Variants in HAO1 observed in about 807,000 individuals in gnomAD.
HAO1 encodes 2-Hydroxyacid oxidase 1.
Under a neutral mutation model 39.7 loss-of-function variants are expected in HAO1, and 34 were observed. The ratio of observed to expected loss-of-function variants is 0.86; its 90% CI spans 0.65 to 1.14. The LOEUF (loss-of-function observed/expected upper bound fraction) is 1.14, where lower values mean the gene tolerates loss of function less well. Ranked by LOEUF, HAO1 falls within the 50% of genes most tolerant of loss-of-function variation. The probability of loss-of-function intolerance (pLI) is 0.00; values close to 1 mark genes in which losing one functional copy is unlikely to be tolerated. For missense variants in HAO1, 479 were observed against 464.5 expected, an observed-to-expected ratio of 1.03 and a Z score of -0.29; for synonymous variants, 172 against 173.2, an observed-to-expected ratio of 0.99 and a Z score of 0.05.
rs1568522172 is a variant in HAO1 at position 7,936,543 on chromosome 20, TG to T, written c.138-1909del. On this transcript the variant is annotated intron_variant, in intron 1 of 7. Transcript: ENST00000378789. ...GTGTGTGTGTGTGTGTGTGTGTGTG[TG>T]TGTTCGCGCGCGCGCGCGCGCGTGC... Among the ~76,000 whole-genome samples, 256 of 147,842 alleles carry T rather than the reference TG, an allele frequency of 1.7e-3. 1 individual carries two copies. The highest frequency in any genetic ancestry group is 5.5e-3 in the African/African-American group (213 of 38,938).
chr20:7,916,868 C>T (rs558872478), intron 2 of HAO1, among the ~76,000 whole-genome samples: 233 of 152,214 alleles, frequency 1.5e-3, no homozygotes, highest in Non-Finnish European at 2.1e-3. Context: ...AAAATATTGT[C>T]TAAAACCCAC....
At position 7,913,017 on chromosome 20, in the gene HAO1, C is replaced by T. The variant is rs909427795; in HGVS notation, c.545+1147G>A. ...AACTTTCGTGGTGAGATTCACTCCA[C>T]AGTCACTGAAATAGATATGAAATTC... On this transcript the variant is annotated intron_variant, in intron 3 of 7. Coordinates refer to ENST00000378789, the MANE Select transcript of HAO1 (RefSeq NM_017545.3). 1.1e-4 allele frequency among the ~76,000 whole-genome samples: 16 copies of T among 152,316 alleles called. No individual in the cohort carries two copies. The South Asian group carries it at 2.1e-3, about 20-fold the overall frequency.
intron 2 of HAO1, among the ~76,000 whole-genome samples, chr20:7,915,947 A>C (rs543753491): frequency 1.3e-5 from 2 of 152,222 alleles, no homozygotes; most frequent in East Asian, 3.9e-4. Flanking sequence ...AATTGTATTA[A>C]ATATATAGTT....
chr20:7,899,600 A>C (rs2050212401), intron 4 of HAO1, among the ~76,000 whole-genome samples: 1 of 152,170 alleles, frequency 6.6e-6, no homozygotes, highest in Non-Finnish European at 1.5e-5. Flanking sequence ...TATAGGGAGA[A>C]ATGACATAAT....
At chr20:7,914,557 A>G in intron 2 of HAO1, 138 bp from the exon 3 acceptor site, 1 of 863,366 alleles carries the variant, frequency 1.2e-6, no homozygotes, top group Non-Finnish European at 1.8e-6. Context: ...GAGAGAAGAA[A>G]GTCTGGCCCA....
chr20:7,885,197 G>T (rs949404898), intron 7 of HAO1, among the ~76,000 whole-genome samples: 1 of 152,168 alleles, frequency 6.6e-6, no homozygotes. Context: ...ATGCCACTTA[G>T]ATGTCCAAAG....
intron 5 of HAO1, among the ~76,000 whole-genome samples, chr20:7,887,709 C>T (rs1012988612): frequency 6.6e-6 from 1 of 152,122 alleles, no homozygotes; most frequent in Non-Finnish European, 1.5e-5. Flanking sequence ...GGGTTCAATA[C>T]ACATTTTCAA....
At chr20:7,928,866 A>C (rs1042248970) in intron 2 of HAO1, among the ~76,000 whole-genome samples, 1 of 152,132 alleles carries the variant, frequency 6.6e-6, no homozygotes, top group Non-Finnish European at 1.5e-5. Flanking sequence ...ATTTTGATTT[A>C]TTTGCCCACA....
At position 7,906,177 on chromosome 20, in the gene HAO1, A is replaced by T; in HGVS notation, c.698T>A (p.Ile233Asn). The change falls in exon 4 of 8, where the codon ATT (isoleucine) becomes AAT (asparagine). Residue 233 changes from isoleucine to asparagine, a missense_variant. Ile to Asn is a moderately radical substitution (Grantham distance 149). Coordinates refer to ENST00000378789, the MANE Select transcript of HAO1 (RefSeq NM_017545.3). ...ACCTCTCAAAATGCCCTTTGCAACA[A>T]TTGGCAATGATGTCAGTCTTCTCAG... Reference protein sequence around the residue: ...KWLRRLTSLPIVAKGILRGDD... With the variant: ...KWLRRLTSLPNVAKGILRGDD... 1.2e-6 allele frequency: 2 copies of T among 1,613,162 alleles called. No homozygotes were observed. Among genetic ancestry groups the T allele is most frequent in the Non-Finnish European group, 1.7e-6 (2 of 1,179,202 alleles).
chr20:7,938,670 C>T (rs1392113748), intron 1 of HAO1, among the ~76,000 whole-genome samples: 2 of 152,106 alleles, frequency 1.3e-5, no homozygotes, highest in South Asian at 2.1e-4. Flanking sequence ...CTCTCTGAGA[C>T]CTCCACTTGG....
intron 2 of HAO1, among the ~76,000 whole-genome samples, chr20:7,927,941 C>A (rs1420609973): frequency 1.3e-5 from 2 of 152,154 alleles, no homozygotes; most frequent in African/African-American, 4.8e-5. Flanking sequence ...GAGAAAGTTT[C>A]TCAGGGTTTT....
chr20:7,932,842 C>T (rs2050391679), intron 2 of HAO1, among the ~76,000 whole-genome samples: 1 of 151,852 alleles, frequency 6.6e-6, no homozygotes, highest in African/African-American at 2.4e-5. Context: ...ATAATTATTT[C>T]CTTGGAATTC....
chr20:7,914,750 G>C (rs1157782442), intron 2 of HAO1, among the ~76,000 whole-genome samples: 1 of 152,082 alleles, frequency 6.6e-6, no homozygotes, highest in Non-Finnish European at 1.5e-5. Flanking sequence ...AAAATATTAA[G>C]AACCTGAACA....
intron 1 of HAO1, among the ~76,000 whole-genome samples, chr20:7,936,818 A>G (rs2122803622): frequency 1.3e-5 from 2 of 152,292 alleles, no homozygotes; most frequent in South Asian, 4.1e-4. Context: ...CAGGCATGTT[A>G]TCTAAAGAGT....
chr20:7,903,899 G>GTGC (rs2050235622), intron 4 of HAO1, among the ~76,000 whole-genome samples: 2 of 151,658 alleles, frequency 1.3e-5, no homozygotes, highest in African/African-American at 2.4e-5. Flanking sequence ...GGTGGTGGTG[G>GTGC]TGGCAGTGGT....
chr20:7,938,154 T>C (rs2050422321), intron 1 of HAO1, among the ~76,000 whole-genome samples: 1 of 152,290 alleles, frequency 6.6e-6, no homozygotes, highest in East Asian at 1.9e-4. Context: ...GAATGTGAAA[T>C]TTCAGGTTGA....
intron 1 of HAO1, among the ~76,000 whole-genome samples, chr20:7,938,619 T>C (rs1356859143): frequency 6.6e-6 from 1 of 152,192 alleles, no homozygotes; most frequent in Non-Finnish European, 1.5e-5. Context: ...TTTAAAGGGT[T>C]GCATAGGTGA....
intron 2 of HAO1, among the ~76,000 whole-genome samples, chr20:7,930,003 A>G (rs887140665): frequency 6.6e-6 from 1 of 152,114 alleles, no homozygotes; most frequent in Non-Finnish European, 1.5e-5. Flanking sequence ...GGAAAATGAG[A>G]CTATGGCACC....
chr20:7,891,386 C>T (rs1476922374), intron 5 of HAO1, among the ~76,000 whole-genome samples: 1 of 151,972 alleles, frequency 6.6e-6, no homozygotes, highest in Non-Finnish European at 1.5e-5. Flanking sequence ...ACTTTTTGAT[C>T]AGATTGTTTG....
Sources: gnomAD v4.1 joint callset for allele counts (sites outside exome capture counted in the v4.1 genomes callset) on GRCh38, gnomAD v4.1.1 for gene constraint, MANE v1.5 for transcripts, NCBI Gene and HGNC (gene_info 2026-07-23, HGNC 2026-07-21) for gene names.